Variants in RYR1 observed in about 807,000 individuals in gnomAD.
RYR1 encodes the protein central core disease of muscle.
RYR1 carries 342 observed loss-of-function variants against 583.5 expected under a neutral mutation model. The observed-to-expected ratio is 0.59, with a 90% confidence interval of 0.54 to 0.64. The LOEUF (loss-of-function observed/expected upper bound fraction) is 0.64. Among genes scored for constraint, RYR1 ranks in the 30% least tolerant of loss-of-function variants. The pLI, the probability that RYR1 is intolerant of heterozygous loss-of-function variation, is 0.00. For synonymous variants in RYR1, 2,791 were observed against 2,822.5 expected (o/e 0.99, Z 0.35); for missense variants, 6,032 against 6,917.2 (o/e 0.87, Z 4.54).
chr19:38,502,611 A>G lies in RYR1; in HGVS notation c.7719A>G (p.Glu2573=). 2 of 1,612,626 alleles carry G rather than the reference A, an allele frequency of 1.2e-6. No individual in the cohort carries two copies. The highest frequency in any genetic ancestry group is 2.2e-5 in the East Asian group (1 of 44,828). The change falls in exon 48 of 106, where the codon GAA becomes GAG. Residue 2573 remains glutamate, a synonymous_variant. Transcript: ENST00000359596. ...TKCAPLFAGT[E]HRAIMVDSML... ...GTGCGCCGCTCTTTGCGGGCACAGAACACCGCGCCATCATGGTGGACTCTA... is the reference window on the plus strand; with the variant it reads ...GTGCGCCGCTCTTTGCGGGCACAGAGCACCGCGCCATCATGGTGGACTCTA...
At chr19:38,571,870 G>A (rs749956978) in intron 94 of RYR1, 149 bp from the exon 95 acceptor site, 142 of 1,116,788 alleles carry the variant, frequency 1.3e-4, no homozygotes, top group Admixed American at 2.6e-4. Flanking sequence ...GCTAGCTACA[G>A]CCCTAGGCCC....
In RYR1 at chr19:38,565,079, C is replaced by A; in HGVS notation, c.12745C>A (p.Gln4249Lys). 6.4e-7 allele frequency: 1 copy of A among 1,557,564 alleles called. No individual in the cohort carries two copies. The highest frequency in any genetic ancestry group is 8.7e-7 in the Non-Finnish European group (1 of 1,153,102). ...DTIFEMQIAA[Q>K]ISEPEGEPET... The stretch of plus-strand genomic sequence containing the variant: ...CATCTTCGAGATGCAGATCGCCGCG[C>A]AGATCTCGGAGCCCGAGGGCGAGCC... The change falls in exon 91 of 106, where the codon CAG becomes AAG. Residue 4249 changes from glutamine to lysine, a missense_variant. By Grantham distance (53) the Gln-to-Lys change is moderately conservative. Around this residue, in one of 11 missense-constraint regions of RYR1, gnomAD observed 753 missense variants for 759.6 expected, o/e 0.99. Coordinates refer to ENST00000359596, the MANE Select transcript of RYR1 (RefSeq NM_000540.3). The surrounding 1 kb of genome is among the most constrained non-coding windows in gnomAD (Gnocchi z 4.7).
At chr19:38,497,028 C>T in intron 42 of RYR1, 74 bp downstream of exon 42, 2 of 1,275,456 alleles carry the variant, frequency 1.6e-6, no homozygotes, top group South Asian at 2.4e-5. Context: ...GGGACACCTG[C>T]TGATTCCAAA....
rs560917971 is a variant in RYR1 at position 38,560,378 on chromosome 19, C to A, written c.12283-735C>A. 2.8e-4 allele frequency among the ~76,000 whole-genome samples: 41 copies of A among 145,202 alleles called. No homozygotes were observed. The East Asian group carries it at 5.7e-3, about 20-fold the overall frequency. On this transcript the variant is annotated intron_variant, in intron 89 of 105. Coordinates refer to ENST00000359596, the MANE Select transcript of RYR1 (RefSeq NM_000540.3). ...GAGACCCTGTCTCAGAAAAAAAAAA[C>A]AAAAACAAAATACAAATCTGGAAGC...
intron 36 of RYR1, 76 bp from the exon 37 acceptor site, chr19:38,490,545 G>T: frequency 1.0e-6 from 1 of 978,908 alleles, no homozygotes; most frequent in Non-Finnish European, 1.6e-6. Context: ...ACTAACAATT[G>T]CATCTTCTAT....
At chr19:38,542,540 C>T (rs34754809) in intron 84 of RYR1, among the ~76,000 whole-genome samples, 3,482 of 152,026 alleles carry the variant, frequency 0.023, 95 homozygotes, top group Admixed American at 0.073. Context: ...TTTTTTGAGA[C>T]GGAGTTTCAC....
intron 16 of RYR1, among the ~76,000 whole-genome samples, chr19:38,456,929 C>G (rs564080294): frequency 1.1e-4 from 16 of 150,914 alleles, no homozygotes; most frequent in African/African-American, 2.9e-4. Context: ...GCCTGTAGTC[C>G]CAGCTACTCG....
chr19:38,449,181 C>T (rs530965573), intron 11 of RYR1, among the ~76,000 whole-genome samples: 6 of 152,200 alleles, frequency 3.9e-5, no homozygotes, highest in Admixed American at 1.3e-4. Flanking sequence ...GAGACACGGC[C>T]GGGCGTGGTG....
At chr19:38,459,417 TCC>T in intron 19 of RYR1, 79 bp downstream of exon 19, 1 of 1,381,654 alleles carries the variant, frequency 7.2e-7, no homozygotes, top group Non-Finnish European at 1.0e-6. Flanking sequence ...CACTCCATGG[TCC>T]CCCAGGAGGC....
At position 38,565,919 on chromosome 19, in the gene RYR1, C is replaced by T. The variant is rs1398937700; in HGVS notation, c.13437+148C>T. Reference sequence around the variant, plus strand: ...CCACGGAGGACGCACCCATGGAGGACGCACACGGGGACAGCGGGCGCCGGG... The same window carrying T: ...CCACGGAGGACGCACCCATGGAGGATGCACACGGGGACAGCGGGCGCCGGG... On this transcript the variant is annotated intron_variant, in intron 91 of 105. Transcript: ENST00000359596. This position sits in a 1 kb window ranked among gnomAD's most constrained non-coding sequence, Gnocchi z 4.7. 8.4e-6 allele frequency: 8 copies of T among 957,268 alleles called. No individual in the cohort carries two copies. The highest frequency in any genetic ancestry group is 1.1e-5 in the Non-Finnish European group (8 of 718,384). The allele number at this position is 957,268 out of a possible 1,614,324, so 59.3% of individuals were successfully genotyped here. A position where few individuals can be genotyped will look rare whatever the true frequency, so the allele number is the denominator to read the frequency against.
At chr19:38,508,759 G>A (rs1970594336) in intron 58 of RYR1, among the ~76,000 whole-genome samples, 1 of 152,162 alleles carries the variant, frequency 6.6e-6, no homozygotes, top group Non-Finnish European at 1.5e-5. Flanking sequence ...GGTGACTGGG[G>A]CAGATCATGC....
intron 73 of RYR1, chr19:38,528,103 C>T: frequency 1.6e-6 from 1 of 644,912 alleles, no homozygotes; most frequent in Non-Finnish European, 2.8e-6. Context: ...GGTCCTGGCT[C>T]TGTGGGACCT....
Position 38,473,324 on chromosome 19 carries a change from G to A in RYR1, c.3766-53G>A, listed in dbSNP as rs1394782962. 6 of 1,610,006 alleles carry A rather than the reference G, an allele frequency of 3.7e-6. No individual in the cohort carries two copies. In the Admixed American group the frequency reaches 6.7e-5, roughly 18 times the overall value. Reference sequence around the variant, plus strand: ...GTGTGTGACCAGGTGTAGGACCAACGGCCTGGCCTAGCCCGCCTGCCCAGC... The same window carrying A: ...GTGTGTGACCAGGTGTAGGACCAACAGCCTGGCCTAGCCCGCCTGCCCAGC... On this transcript the variant is annotated intron_variant, in intron 27 of 105. Transcript: ENST00000359596.
chr19:38,443,410 A>G lies in RYR1; in HGVS notation c.271-148A>G, dbSNP rs73554209. 12,840 of 699,556 alleles carry G rather than the reference A, an allele frequency of 0.018. 537 individuals are homozygous for G. The highest frequency in any genetic ancestry group is 0.12 in the African/African-American group (6,702 of 57,046). The allele number at this position is 699,556 out of a possible 1,614,324, so 43.3% of individuals were successfully genotyped here. On this transcript the variant is annotated intron_variant, in intron 3 of 105. Coordinates refer to ENST00000359596, the MANE Select transcript of RYR1 (RefSeq NM_000540.3). ...GGGAAACTGAGGCAGAGAGTCCTGC[A>G]GGAGTCTGAGCTGAGGCTGTTTTAC...
chr19:38,576,085 T>A, intron 97 of RYR1, 124 bp downstream of exon 97: 1 of 1,042,242 alleles, frequency 9.6e-7, no homozygotes, highest in Non-Finnish European at 1.5e-6. Context: ...CCTTTCTGAG[T>A]AGCACCTCAG....
rs899993716 is a variant in RYR1, at chr19:38,543,133, G to A, written c.11690-214G>A. Among the ~76,000 whole-genome samples, 4 of 152,058 alleles carry A rather than the reference G, an allele frequency of 2.6e-5. No individual in the cohort carries two copies. Among genetic ancestry groups the A allele is most frequent in the Non-Finnish European group, 5.9e-5 (4 of 68,002 alleles). On this transcript the variant is annotated intron_variant, in intron 84 of 105. Transcript: ENST00000359596. The surrounding 1 kb of genome is among the most constrained non-coding windows in gnomAD (Gnocchi z 4.4). ...CTGGAATTACAGGCGTGAGCCACCCGGCCAGTATTTTTAGACAAATGAATA... is the reference window on the plus strand; with the variant it reads ...CTGGAATTACAGGCGTGAGCCACCCAGCCAGTATTTTTAGACAAATGAATA...
chr19:38,481,199 T>C (rs1968991879), intron 31 of RYR1, among the ~76,000 whole-genome samples: 2 of 152,116 alleles, frequency 1.3e-5, no homozygotes, highest in African/African-American at 4.8e-5. Flanking sequence ...CAATCTTGGC[T>C]TACTGCAGCC....
chr19:38,507,927 C>T (rs1600857410), intron 58 of RYR1, 100 bp downstream of exon 58: 1 of 517,282 alleles, frequency 1.9e-6, no homozygotes, highest in Non-Finnish European at 3.4e-6. Context: ...TCAATCCGTC[C>T]TCCCCTTATC....
At chr19:38,507,922 C>A (rs1482050797) in intron 58 of RYR1, 95 bp downstream of exon 58, 2 of 761,096 alleles carry the variant, frequency 2.6e-6, no homozygotes, top group Non-Finnish European at 4.8e-6. Context: ...TGCACTCAAT[C>A]CGTCCTCCCC....
Sources: allele counts gnomAD v4.1 joint callset (sites outside exome capture counted in the v4.1 genomes callset), GRCh38; gene constraint gnomAD v4.1.1; regional missense constraint gnomAD v4.1.1; non-coding constraint Gnocchi (gnomAD v3.1); transcripts MANE v1.5; gene names NCBI Gene and HGNC (gene_info 2026-07-23, HGNC 2026-07-21).